FHAD1: variants seen among roughly 807,000 people sequenced by gnomAD.
FHAD1 encodes forkhead associated phosphopeptide binding domain 1, also known as forkhead-associated domain-containing protein 1.
In FHAD1, 146 loss-of-function variants were observed where a neutral mutation model predicts 191.3. That is an observed-to-expected ratio of 0.76 (90% CI 0.67 to 0.88). The LOEUF (loss-of-function observed/expected upper bound fraction) is 0.88. Ranked by LOEUF, FHAD1 falls within the 40% of genes least tolerant of loss-of-function variation. The pLI is 0.00. For missense variants in FHAD1, 1,635 were observed against 1,785.8 expected, an observed-to-expected ratio of 0.92 and a Z score of 1.52; for synonymous variants, 616 against 672.3, an observed-to-expected ratio of 0.92 and a Z score of 1.29.
At position 15,311,315 on chromosome 1, in the gene FHAD1, G is replaced by C. The variant is rs1427716073; in HGVS notation, c.1040-1742G>C. 6.6e-6 allele frequency among the ~76,000 whole-genome samples: 1 copy of C among 152,164 alleles called. No individual in the cohort carries two copies. The highest frequency in any genetic ancestry group is 1.5e-5 in the Non-Finnish European group (1 of 68,028). ...TCTTCAGCAGAGTCAGGTGTGATGA[G>C]CACGTGCATGTGGGCAGGGAAGGAA... On this transcript the variant is annotated intron_variant, in intron 7 of 33. Transcript: ENST00000688493. This position sits in a 1 kb window ranked among gnomAD's most constrained non-coding sequence, Gnocchi z 4.1.
rs553645429 is a variant in FHAD1 at position 15,391,983 on chromosome 1, G to A, written c.4323+720G>A. 3.3e-5 allele frequency among the ~76,000 whole-genome samples: 5 copies of A among 152,336 alleles called. No homozygotes were observed. The South Asian group carries it at 1.0e-3, about 32-fold the overall frequency. On this transcript the variant is annotated intron_variant, in intron 33 of 33. Coordinates refer to ENST00000688493, the MANE Select transcript of FHAD1 (RefSeq NM_001391957.1). Reference sequence around the variant, plus strand: ...ACTGCCCTGCTGCCAGTTATTGGCTGAGAATGACATGGAGATGTAAAATGA... The same window carrying A: ...ACTGCCCTGCTGCCAGTTATTGGCTAAGAATGACATGGAGATGTAAAATGA...
intron 6 of FHAD1, among the ~76,000 whole-genome samples, chr1:15,303,779 G>A (rs750725066): frequency 4.0e-5 from 6 of 151,648 alleles, no homozygotes; most frequent in Non-Finnish European, 8.8e-5. Flanking sequence ...AACTTGGGAG[G>A]TAGAGGTTGT....
chr1:15,288,841 T>G (rs1437050696), intron 3 of FHAD1, among the ~76,000 whole-genome samples: 3 of 152,174 alleles, frequency 2.0e-5, no homozygotes, highest in African/African-American at 7.2e-5. Context: ...TTAATGCAGG[T>G]GACTCTTTCG....
At chr1:15,266,907 T>G (rs560961501) in intron 2 of FHAD1, among the ~76,000 whole-genome samples, 56 of 152,384 alleles carry the variant, frequency 3.7e-4, no homozygotes, top group Non-Finnish European at 1.5e-4. Context: ...TATCTTTTTG[T>G]GGCTTGAGAG....
At chr1:15,378,963 C>CT (rs779500146) in intron 28 of FHAD1, among the ~76,000 whole-genome samples, 62 of 152,224 alleles carry the variant, frequency 4.1e-4, no homozygotes, top group Non-Finnish European at 7.2e-4. Context: ...AAGCAGCCGG[C>CT]TGAGCAGGGT....
intron 2 of FHAD1, 131 bp from the exon 3 acceptor site, chr1:15,272,192 T>G (rs544890653): frequency 2.7e-5 from 22 of 818,096 alleles, no homozygotes; most frequent in African/African-American, 2.1e-4. Flanking sequence ...ATCCTCAGCC[T>G]CCTCCTTTTA....
chr1:15,258,057 G>A (rs1304118612), intron 2 of FHAD1, among the ~76,000 whole-genome samples: 1 of 152,100 alleles, frequency 6.6e-6, no homozygotes, highest in Non-Finnish European at 1.5e-5. Context: ...GGCCAGGCTG[G>A]TCTCGAACTC....
At chr1:15,367,660 C>A in intron 25 of FHAD1, 38 bp downstream of exon 25, 1 of 1,511,040 alleles carries the variant, frequency 6.6e-7, no homozygotes, top group Non-Finnish European at 8.9e-7. Flanking sequence ...GGATGGTTTG[C>A]CTGCCGTGGG....
At chr1:15,320,779 AGTTTGACCATCTTT>A (rs1233999795) in intron 10 of FHAD1, among the ~76,000 whole-genome samples, 2 of 152,214 alleles carry the variant, frequency 1.3e-5, no homozygotes, top group African/African-American at 2.4e-5. Flanking sequence ...GGTTTTATAC[AGTTTGACCATCTTT>A]GTCTTTCAGT....
chr1:15,377,889 T>G lies in FHAD1; in HGVS notation c.3705+2159T>G, dbSNP rs543329138. 5.8e-3 allele frequency among the ~76,000 whole-genome samples: 883 copies of G among 152,266 alleles called. 5 individuals carry two copies. Among genetic ancestry groups the G allele is most frequent in the African/African-American group, 0.02 (836 of 41,554 alleles). ...GAGCAGGAGGAAGAACAGCTGGCAT[T>G]TACTGAGTGCTTACTGTGTACCAGG... On this transcript the variant is annotated intron_variant, in intron 28 of 33. Transcript: ENST00000688493.
In FHAD1 at chr1:15,365,876, A is replaced by G; in HGVS notation, c.3097A>G (p.Ile1033Val). The G allele has an allele frequency of 6.4e-7, 1 of 1,551,756 alleles. No homozygotes were observed. The highest frequency in any genetic ancestry group is 8.7e-7 in the Non-Finnish European group (1 of 1,146,996). Residue 1033 changes from isoleucine to valine, a missense_variant, in exon 24 of 34, where the codon ATC becomes GTC. Coordinates refer to ENST00000688493, the MANE Select transcript of FHAD1 (RefSeq NM_001391957.1). Reference sequence around the variant, plus strand: ...GGAAATTCTGTCTCAGCAGGAAGTCATCATGAAGTTAAGGAAAGACCTTAC... The same window carrying G: ...GGAAATTCTGTCTCAGCAGGAAGTCGTCATGAAGTTAAGGAAAGACCTTAC... ...QKEILSQQEV[I>V]MKLRKDLTEA...
intron 26 of FHAD1, among the ~76,000 whole-genome samples, chr1:15,372,523 C>T (rs1698410211): frequency 6.6e-6 from 1 of 151,426 alleles, no homozygotes; most frequent in Non-Finnish European, 1.5e-5. Context: ...GCACCCACAG[C>T]AGCAAGGGCT....
At chr1:15,357,894 CCAGAAAT>C in intron 20 of FHAD1, 1 of 461,344 alleles carries the variant, frequency 2.2e-6, no homozygotes, top group Non-Finnish European at 3.8e-6. Flanking sequence ...AGCTCAGAGA[CCAGAAAT>C]CACAAGGAGA....
intron 16 of FHAD1, chr1:15,343,650 T>C (rs183383179): frequency 2.0e-4 from 30 of 152,322 alleles, no homozygotes; most frequent in African/African-American, 5.8e-4. Context: ...GACCAAATCA[T>C]GTGCAATCCG....
chr1:15,278,576 C>A (rs1011323298), intron 3 of FHAD1, among the ~76,000 whole-genome samples: 8 of 150,162 alleles, frequency 5.3e-5, no homozygotes, highest in African/African-American at 1.7e-4. Context: ...TGGGTTCAAG[C>A]AATTCTCATG....
intron 25 of FHAD1, among the ~76,000 whole-genome samples, chr1:15,368,837 C>T (rs1470758689): frequency 6.6e-6 from 1 of 152,122 alleles, no homozygotes; most frequent in African/African-American, 2.4e-5. Context: ...ATCTGGGAGG[C>T]TGAGGCAGGA....
At chr1:15,242,674 G>A (rs931581599), upstream of FHAD1, among the ~76,000 whole-genome samples, 6 of 152,140 alleles carry the variant, frequency 3.9e-5, no homozygotes, top group African/African-American at 1.4e-4. Context: ...TCTCAGAGCA[G>A]CCGGCCAGAT....
intron 21 of FHAD1, among the ~76,000 whole-genome samples, chr1:15,358,869 G>C (rs1304939599): frequency 6.6e-6 from 1 of 152,154 alleles, no homozygotes; most frequent in East Asian, 1.9e-4. Flanking sequence ...ATTTCACGAG[G>C]GTGTGGCGTT....
chr1:15,301,341 C>G lies in FHAD1; in HGVS notation c.815C>G (p.Thr272Ser), dbSNP rs566811075. 13 of 1,551,728 alleles carry G rather than the reference C, an allele frequency of 8.4e-6. No individual in the cohort carries two copies. The East Asian group carries it at 3.2e-4, about 38-fold the overall frequency. ...CTGAGTCAGAAGGTGTCAGAGACCA[C>G]CACCTCCAGGCAGAATGAGAAGGAG... ...AELSQKVSET[T>S]TSRQNEKEIS... The change falls in exon 6 of 34, where the codon ACC (threonine) becomes AGC (serine). Residue 272 changes from threonine (T) to serine (S), a missense_variant. Transcript: ENST00000688493.
Sources: allele counts gnomAD v4.1 joint callset (sites outside exome capture counted in the v4.1 genomes callset), GRCh38; gene constraint gnomAD v4.1.1; non-coding constraint Gnocchi (gnomAD v3.1); transcripts MANE v1.5; gene names NCBI Gene and HGNC (gene_info 2026-07-23, HGNC 2026-07-21).